Variants in PDILT observed in about 807,000 individuals in gnomAD.
PDILT encodes protein disulfide isomerase like, testis expressed.
Under a neutral mutation model 53.7 loss-of-function variants are expected in PDILT, and 43 were observed. The observed-to-expected ratio is 0.80, with a 90% CI of 0.63 to 1.03. The LOEUF (loss-of-function observed/expected upper bound fraction) is 1.03, where lower values mean the gene tolerates loss of function less well. Among genes scored for constraint, PDILT ranks in the 50% least tolerant of loss-of-function variants. The pLI is 0.00. For missense variants in PDILT, 727 were observed against 712.3 expected (o/e 1.02, Z -0.24); for synonymous variants, 282 against 274.2 (o/e 1.03, Z -0.28).
intron 7 of PDILT, 72 bp downstream of exon 7, chr16:20,372,730 A>G: frequency 6.5e-7 from 1 of 1,536,162 alleles, no homozygotes; most frequent in Non-Finnish European, 8.8e-7. Flanking sequence ...AGGGCAGGCA[A>G]ATGGGCTCAG....
chr16:20,361,721 T>A (rs1432764310), intron 10 of PDILT, among the ~76,000 whole-genome samples: 3 of 152,196 alleles, frequency 2.0e-5, no homozygotes, highest in Middle Eastern at 3.2e-3. Context: ...CCACACTTCC[T>A]ACCTGTAGTA....
intron 3 of PDILT, among the ~76,000 whole-genome samples, chr16:20,382,282 A>G (rs1332839630): frequency 6.6e-6 from 1 of 152,278 alleles, no homozygotes; most frequent in Non-Finnish European, 1.5e-5. Context: ...TAATGAACAC[A>G]TCTGCCTCTT....
chr16:20,402,251 G>C (rs137973808), intron 1 of PDILT, among the ~76,000 whole-genome samples: 5 of 151,718 alleles, frequency 3.3e-5, no homozygotes, highest in Admixed American at 6.6e-5. Context: ...AGGTGGATAA[G>C]AGAAGATTCA....
At chr16:20,398,568 T>C (rs1005683224) in intron 2 of PDILT, among the ~76,000 whole-genome samples, 6 of 152,018 alleles carry the variant, frequency 3.9e-5, no homozygotes, top group African/African-American at 1.5e-4. Context: ...GAGGTGGAGG[T>C]TGCAGTGAGC....
At chr16:20,398,982 T>A (rs1966695266) in intron 2 of PDILT, 117 bp downstream of exon 2, 6 of 1,099,376 alleles carry the variant, frequency 5.5e-6, no homozygotes, top group Non-Finnish European at 8.0e-6. Context: ...AAATGTCTGT[T>A]TTAAATAATA....
chr16:20,388,474 A>C (rs1025522097), intron 2 of PDILT, among the ~76,000 whole-genome samples: 2 of 152,144 alleles, frequency 1.3e-5, no homozygotes, highest in African/African-American at 4.8e-5. Flanking sequence ...GGTCTGAAAA[A>C]TCTTTTTCTT....
At position 20,399,100 on chromosome 16, in the gene PDILT, G is replaced by C. The variant is rs1054329417; in HGVS notation, c.201C>G (p.Phe67Leu). 2 of 1,614,146 alleles carry C rather than the reference G, an allele frequency of 1.2e-6. No homozygotes were observed. Among genetic ancestry groups the C allele is most frequent in the Non-Finnish European group, 1.7e-6 (2 of 1,179,998 alleles). The change falls in exon 2 of 12, where the codon TTC becomes TTG. Residue 67 changes from phenylalanine to leucine, a missense_variant and splice_region_variant. Physicochemically the swap from Phe to Leu is conservative, Grantham distance 22. Coordinates refer to ENST00000302451, the MANE Select transcript of PDILT (RefSeq NM_174924.2). ...ATCACCCAGGATGGGGGCACTCACG[G>C]AAAAGCACCATGAGGAAGCGGGTCT... ...LNQTRFLMVL[F>L]HNPSSKQSRN...
chr16:20,364,012 C>G (rs368651576), intron 9 of PDILT, among the ~76,000 whole-genome samples: 1 of 152,122 alleles, frequency 6.6e-6, no homozygotes, highest in Non-Finnish European at 1.5e-5. Flanking sequence ...ATGATCATAC[C>G]CCATTTACAA....
chr16:20,378,424 C>T (rs990212195), intron 3 of PDILT, among the ~76,000 whole-genome samples: 4 of 151,638 alleles, frequency 2.6e-5, no homozygotes, highest in African/African-American at 9.7e-5. Flanking sequence ...CTTCTGCTTC[C>T]TCTTCCTCTT....
chr16:20,377,973 A>C (rs1027235196), intron 3 of PDILT, among the ~76,000 whole-genome samples: 1 of 151,762 alleles, frequency 6.6e-6, no homozygotes, highest in Non-Finnish European at 1.5e-5. Context: ...AAAAAAAAAG[A>C]AAGAAAGAAA....
intron 2 of PDILT, among the ~76,000 whole-genome samples, chr16:20,391,495 GCTCCTAATCTTATCTTGACCTCT>G (rs1966606810): frequency 6.6e-6 from 1 of 152,154 alleles, no homozygotes; most frequent in Non-Finnish European, 1.5e-5. Flanking sequence ...ACCCTAGACA[GCTCCTAATCTTATCTTGACCTCT>G]CTCCACTAAT....
intron 1 of PDILT, among the ~76,000 whole-genome samples, 171 bp downstream of exon 1, chr16:20,404,325 G>C (rs1055382036): frequency 1.3e-5 from 2 of 152,188 alleles, no homozygotes; most frequent in Non-Finnish European, 2.9e-5. Context: ...CTGGGGTTGG[G>C]TGAGTCTGGG....
In PDILT at chr16:20,369,523, A is replaced by T. The variant is rs1426164740; in HGVS notation, c.1085T>A (p.Phe362Tyr). ...DDITYESLKK[F>Y]GRSFLSKNAT... is the part of the protein sequence containing the mutation. ...ATTTTTACTCAGGAAGCTGCGGCCAAATTTCTTGAGGCTTTCGTAGGTTAT... is the reference window on the plus strand; with the variant it reads ...ATTTTTACTCAGGAAGCTGCGGCCATATTTCTTGAGGCTTTCGTAGGTTAT... Residue 362 changes from phenylalanine to tyrosine, a missense_variant, in exon 8 of 12, where the codon TTT becomes TAT. Transcript: ENST00000302451. 6.2e-7 allele frequency: 1 copy of T among 1,614,154 alleles called. No homozygotes were observed. Among genetic ancestry groups the T allele is most frequent in the Admixed American group, 1.7e-5 (1 of 60,024 alleles).
At chr16:20,398,499 C>T (rs556815686) in intron 2 of PDILT, among the ~76,000 whole-genome samples, 102 of 152,162 alleles carry the variant, frequency 6.7e-4, no homozygotes, top group African/African-American at 1.4e-3. Context: ...GGTGTGGTGG[C>T]GGGTACCTGC....
rs779987113 is a variant in PDILT, at chr16:20,384,678, C to CA, written c.375dup (p.Glu126Ter). ...CTGATGGGCTCTGACCTGTTGCCCTCAAAAAACAGCTTCAACTCCGGGGCC... is the reference window on the plus strand; with the variant it reads ...CTGATGGGCTCTGACCTGTTGCCCTCAAAAAAACAGCTTCAACTCCGGGGCC... On this transcript the variant is annotated frameshift_variant, in exon 3 of 12. Transcript: ENST00000302451. LOFTEE classifies it high-confidence loss of function. The CA allele has an allele frequency of 2.5e-6, 4 of 1,614,204 alleles. No individual in the cohort carries two copies. The highest frequency in any genetic ancestry group is 3.4e-6 in the Non-Finnish European group (4 of 1,180,030).
intron 2 of PDILT, among the ~76,000 whole-genome samples, chr16:20,396,699 TAC>T (rs1286637900): frequency 6.6e-6 from 1 of 152,248 alleles, no homozygotes; most frequent in Non-Finnish European, 1.5e-5. Context: ...ACCCAAAGTA[TAC>T]AGTTTAGACT....
In PDILT at chr16:20,374,849, G is replaced by A. The variant is rs552599285; in HGVS notation, c.654C>T (p.Thr218=). 6.2e-7 allele frequency: 1 copy of A among 1,613,918 alleles called. No individual in the cohort carries two copies. Among genetic ancestry groups the A allele is most frequent in the Non-Finnish European group, 8.5e-7 (1 of 1,179,894 alleles). The change falls in exon 5 of 12, where the codon ACC becomes ACT. Residue 218 remains threonine, a synonymous_variant. Transcript: ENST00000302451. ...IGNVIGRFHV[T]LDSVLVFKKG... ...TTTTGAACACCAGGACGCTGTCAAG[G>A]GTGACGTGGAAACGCCCAATGACAT...
intron 7 of PDILT, among the ~76,000 whole-genome samples, chr16:20,372,406 T>C (rs1322671842): frequency 6.6e-6 from 1 of 152,158 alleles, no homozygotes; most frequent in Non-Finnish European, 1.5e-5. Flanking sequence ...CCTTCAGGCT[T>C]TCATAGTCCT....
At chr16:20,367,024 CTTCTTTCTTTCT>C (rs528059448) in intron 8 of PDILT, among the ~76,000 whole-genome samples, 6,422 of 75,638 alleles carry the variant, frequency 0.085, 392 homozygotes, top group East Asian at 0.1. Context: ...CTCTCTCTTT[CTTCTTTCTTTCT>C]TTCTTTCTTT....
Sources: allele counts gnomAD v4.1 joint callset (sites outside exome capture counted in the v4.1 genomes callset), GRCh38; gene constraint gnomAD v4.1.1; transcripts MANE v1.5; gene names NCBI Gene and HGNC (gene_info 2026-07-23, HGNC 2026-07-21).